CREB5: variants seen among roughly 807,000 people sequenced by gnomAD.
The protein encoded by CREB5 is cyclic AMP-responsive element-binding protein 5.
Under a neutral mutation model 57.1 loss-of-function variants are expected in CREB5, and 19 were observed. The observed-to-expected ratio is 0.33, with a 90% CI of 0.23 to 0.49. The LOEUF is 0.49. Among genes scored for constraint, CREB5 ranks in the 20% least tolerant of loss-of-function variants. The pLI, the probability that CREB5 is intolerant of heterozygous loss-of-function variation, is 0.99. For missense variants in CREB5, 579 were observed against 671.6 expected, an observed-to-expected ratio of 0.86 and a Z score of 1.52; for synonymous variants, 238 against 238.3, an observed-to-expected ratio of 1.00 and a Z score of 0.01.
intron 5 of CREB5, among the ~76,000 whole-genome samples, chr7:28,607,606 G>T (rs763599626): frequency 1.4e-4 from 21 of 152,272 alleles, no homozygotes; most frequent in African/African-American, 4.8e-4. Flanking sequence ...AATGCTCAGT[G>T]GTTCCAGCAC....
At chr7:28,409,934 A>C (rs1481612471), upstream of CREB5, 2 of 453,700 alleles carry the variant, frequency 4.4e-6, no homozygotes, top group African/African-American at 4.0e-5. This position sits in a 1 kb window ranked among gnomAD's most constrained non-coding sequence, Gnocchi z 4.4. Context: ...AAGTGCGGTC[A>C]AGCGGCAGCG....
At chr7:28,378,348 C>G (rs148744760) in intron 1 of CREB5, among the ~76,000 whole-genome samples, 1 of 151,600 alleles carries the variant, frequency 6.6e-6, no homozygotes, top group African/African-American at 2.4e-5. Flanking sequence ...TGTTAAATGA[C>G]GAGTTAATGG....
chr7:28,302,586 T>G (rs1037303155), intron 1 of CREB5, among the ~76,000 whole-genome samples: 1 of 152,176 alleles, frequency 6.6e-6, no homozygotes, highest in Non-Finnish European at 1.5e-5. Context: ...CCAAAAAGTT[T>G]TCATGCCTCT....
chr7:28,577,938 G>A (rs1056691120), intron 5 of CREB5, among the ~76,000 whole-genome samples: 14 of 151,978 alleles, frequency 9.2e-5, no homozygotes, highest in South Asian at 2.1e-4. Context: ...GCTTATTTTC[G>A]GAGCTTTAAC....
chr7:28,790,100 C>T (rs528801195), intron 7 of CREB5, among the ~76,000 whole-genome samples: 5 of 152,310 alleles, frequency 3.3e-5, no homozygotes, highest in Non-Finnish European at 2.9e-5. Flanking sequence ...TTTAGGGAAA[C>T]ATTTGGGGTT....
Position 28,634,688 on chromosome 7 carries a change from T to A in CREB5, c.464+64151T>A, listed in dbSNP as rs749007683. 3.7e-4 allele frequency among the ~76,000 whole-genome samples: 56 copies of A among 152,164 alleles called. 1 individual carries two copies. The highest frequency in any genetic ancestry group is 5.9e-4 in the Non-Finnish European group (40 of 68,032). On this transcript the variant is annotated intron_variant, in intron 5 of 10. Transcript: ENST00000357727. ...TTGAAGAGAACCATTTTCTCTTTTT[T>A]CCATGGGCTGCATTCATACCTACCC... is the stretch of plus-strand genomic sequence containing the variant.
chr7:28,698,996 G>T (rs943094561), intron 5 of CREB5, among the ~76,000 whole-genome samples: 1 of 152,166 alleles, frequency 6.6e-6, no homozygotes, highest in African/African-American at 2.4e-5. Context: ...AAGCACAGAA[G>T]TGGGTTTTGA....
At chr7:28,692,095 A>T (rs1187820047) in intron 5 of CREB5, among the ~76,000 whole-genome samples, 4 of 150,164 alleles carry the variant, frequency 2.7e-5, no homozygotes, top group African/African-American at 9.8e-5. Flanking sequence ...CTGAGGCAGG[A>T]GAATTGCTTG....
intron 7 of CREB5, among the ~76,000 whole-genome samples, chr7:28,777,305 T>A (rs1228492263): frequency 1.3e-5 from 2 of 152,218 alleles, no homozygotes; most frequent in East Asian, 3.8e-4. Flanking sequence ...ATCTAACAAT[T>A]TTATACTTGC....
Position 28,344,462 on chromosome 7 carries a change from T to A in CREB5, c.-25+45021T>A, listed in dbSNP as rs117294586. Among the ~76,000 whole-genome samples the A allele has an allele frequency of 1.1e-3, 170 of 152,302 alleles. 1 individual carries two copies. Among genetic ancestry groups the A allele is most frequent in the East Asian group, 7.9e-3 (41 of 5,188 alleles). On this transcript the variant is annotated intron_variant, in intron 1 of 9. Transcript: ENST00000396299. ...TTGTTGAAAATCAGTTGGCTGTAAA[T>A]GTATGGATTTATTTCTTGACTCTAT...
At chr7:28,608,127 A>T (rs199571459) in intron 5 of CREB5, among the ~76,000 whole-genome samples, 11,901 of 128,606 alleles carry the variant, frequency 0.093, 576 homozygotes, top group South Asian at 0.13. Context: ...ACACACTCAC[A>T]CACACACACA....
intron 5 of CREB5, among the ~76,000 whole-genome samples, chr7:28,576,209 GC>G (rs1468254592): frequency 6.6e-6 from 1 of 152,182 alleles, no homozygotes; most frequent in Non-Finnish European, 1.5e-5. Context: ...AATGGCTCAA[GC>G]CCTTCGTTAG....
rs373115254 is a variant in CREB5 at position 28,392,056 on chromosome 7, A to G, written c.-25+92615A>G. ...CAAATACCGCATGTTCTCACTTGTA[A>G]GTGGAAGCTAAATGGTGAGAACACA... On this transcript the variant is annotated intron_variant, in intron 1 of 9. Transcript: ENST00000396299. Among the ~76,000 whole-genome samples the G allele has an allele frequency of 1.6e-4, 24 of 152,276 alleles. No individual in the cohort carries two copies. In the East Asian group the frequency reaches 4.6e-3, roughly 29 times the overall value.
intron 1 of CREB5, among the ~76,000 whole-genome samples, chr7:28,471,187 A>G (rs1401564613): frequency 2.0e-5 from 3 of 152,124 alleles, no homozygotes; most frequent in Non-Finnish European, 4.4e-5. Flanking sequence ...GTTTTCTTGT[A>G]GTACTTTCAT....
intron 7 of CREB5, among the ~76,000 whole-genome samples, chr7:28,776,059 T>C (rs1259693066): frequency 6.6e-6 from 1 of 152,178 alleles, no homozygotes; most frequent in African/African-American, 2.4e-5. Context: ...AGCGTGCGGC[T>C]GGGCGCAGTG....
chr7:28,674,632 T>C (rs1800232258), intron 5 of CREB5, among the ~76,000 whole-genome samples: 1 of 152,244 alleles, frequency 6.6e-6, no homozygotes, highest in African/African-American at 2.4e-5. Context: ...TCTGCCTGTA[T>C]GTCCAAAACA....
chr7:28,510,403 G>A (rs1400605331), intron 4 of CREB5, among the ~76,000 whole-genome samples: 2 of 152,116 alleles, frequency 1.3e-5, no homozygotes, highest in Non-Finnish European at 2.9e-5. Context: ...CCCTCATTAG[G>A]TTTTAGTAAA....
intron 5 of CREB5, among the ~76,000 whole-genome samples, chr7:28,670,610 A>G (rs917375046): frequency 6.6e-6 from 1 of 152,234 alleles, no homozygotes; most frequent in Non-Finnish European, 1.5e-5. Flanking sequence ...AGTACGGCAT[A>G]AGGGGATATG....
intron 1 of CREB5, among the ~76,000 whole-genome samples, chr7:28,424,655 A>G (rs939709645): frequency 8.5e-5 from 13 of 152,246 alleles, no homozygotes; most frequent in Non-Finnish European, 1.8e-4. Flanking sequence ...CTGAAAGGTT[A>G]ACACCAACTT....
Sources: gnomAD v4.1 joint callset for allele counts (sites outside exome capture counted in the v4.1 genomes callset) on GRCh38, gnomAD v4.1.1 for gene constraint, Gnocchi (gnomAD v3.1) non-coding constraint, MANE v1.5 for transcripts, NCBI Gene and HGNC (gene_info 2026-07-23, HGNC 2026-07-21) for gene names.